SCN9A: variants seen among roughly 807,000 people sequenced by gnomAD.
SCN9A encodes sodium channel protein type 9 subunit alpha.
Under a neutral mutation model 187.0 loss-of-function variants are expected in SCN9A, and 131 were observed. The ratio of observed to expected loss-of-function variants is 0.70; its 90% CI spans 0.61 to 0.81. SCN9A has a LOEUF of 0.81. SCN9A is among the 30% of genes least tolerant of loss of function. The pLI is 0.00. For missense variants in SCN9A, 2,252 were observed against 2,396.6 expected (o/e 0.94, Z 1.26); for synonymous variants, 809 against 808.6 (o/e 1.00, Z -0.01).
At chr2:166,313,978 T>G (rs778022974) in intron 1 of SCN9A, among the ~76,000 whole-genome samples, 2 of 152,108 alleles carry the variant, frequency 1.3e-5, no homozygotes, top group Non-Finnish European at 2.9e-5. Context: ...GGGAGAGAGA[T>G]AGGGATGCTG....
At chr2:166,343,476 C>T (rs1303865881) in intron 1 of SCN9A, among the ~76,000 whole-genome samples, 1 of 151,974 alleles carries the variant, frequency 6.6e-6, no homozygotes, top group Admixed American at 6.6e-5. Flanking sequence ...AAGAGGGAAC[C>T]TTTGGTTTGA....
intron 10 of SCN9A, among the ~76,000 whole-genome samples, chr2:166,287,630 A>G (rs1697829910): frequency 1.3e-5 from 2 of 152,128 alleles, no homozygotes; most frequent in Non-Finnish European, 2.9e-5. Context: ...GACAAATGTT[A>G]AGGCAACTGC....
chr2:166,361,619 T>A (rs138334413), intron 1 of SCN9A, among the ~76,000 whole-genome samples: 5 of 151,954 alleles, frequency 3.3e-5, no homozygotes, highest in African/African-American at 1.2e-4. Context: ...AACAAAAACA[T>A]TGGAATATCA....
intron 1 of SCN9A, among the ~76,000 whole-genome samples, chr2:166,348,015 A>G (rs1699943431): frequency 6.6e-6 from 1 of 152,192 alleles, no homozygotes; most frequent in Non-Finnish European, 1.5e-5. Context: ...TTTCACAGGC[A>G]TGTTCCAGAA....
intron 17 of SCN9A, among the ~76,000 whole-genome samples, 180 bp downstream of exon 17, chr2:166,272,219 A>C (rs1697022172): frequency 6.6e-6 from 1 of 152,102 alleles, no homozygotes; most frequent in South Asian, 2.1e-4. Context: ...AATTATTAAG[A>C]ACTAGTAAGA....
In SCN9A at chr2:166,199,214, G is replaced by A. The variant is rs199954555; in HGVS notation, c.5425C>T (p.Leu1809=). The A allele has an allele frequency of 5.0e-6, 8 of 1,614,162 alleles. No individual in the cohort carries two copies. Among genetic ancestry groups the A allele is most frequent in the Non-Finnish European group, 6.8e-6 (8 of 1,180,036 alleles). The stretch of plus-strand genomic sequence containing the variant: ...TTTGCTATGAGAAGAGGAGGATCCA[G>A]GGCAGCTGCAAAATCAGAGAGTTTA... ...FSKLSDFAAA[L]DPPLLIAKPN... Residue 1809 remains leucine, a synonymous_variant, in exon 27 of 27, where the codon CTG becomes TTG. Coordinates refer to ENST00000642356, the MANE Select transcript of SCN9A (RefSeq NM_001365536.1).
rs113045804 is a variant in SCN9A, at chr2:166,214,615, T to C, written c.4399-10151A>G. On this transcript the variant is annotated intron_variant, in intron 24 of 26. Coordinates refer to ENST00000642356, the MANE Select transcript of SCN9A (RefSeq NM_001365536.1). ...CTGCAAGCTCCGCCTCCCGGGTTCA[T>C]GCCATTCTCCTGCCTCAGCCTCCCG... Among the ~76,000 whole-genome samples, 1,280 of 138,784 alleles carry C rather than the reference T, an allele frequency of 9.2e-3. 22 individuals carry two copies. Among genetic ancestry groups the C allele is most frequent in the East Asian group, 0.044 (202 of 4,566 alleles). The allele number at this position is 138,784 out of a possible 152,430, so 91.0% of individuals were successfully genotyped here. A position where few individuals can be genotyped will look rare whatever the true frequency, so the allele number is the denominator to read the frequency against.
At chr2:166,370,223 A>ATCGTC (rs1553507710) in intron 1 of SCN9A, among the ~76,000 whole-genome samples, 1 of 121,060 alleles carries the variant, frequency 8.3e-6, no homozygotes, top group Non-Finnish European at 1.7e-5. Context: ...TAATAATAAT[A>ATCGTC]ATAATAATAA....
chr2:166,205,442 G>A (rs999166861), intron 24 of SCN9A, among the ~76,000 whole-genome samples: 1 of 152,148 alleles, frequency 6.6e-6, no homozygotes, highest in Admixed American at 6.5e-5. Context: ...ATGATGCTGG[G>A]AAAACTGGCT....
chr2:166,331,061 T>G (rs1699491551), intron 1 of SCN9A, among the ~76,000 whole-genome samples: 2 of 152,162 alleles, frequency 1.3e-5, no homozygotes, highest in Non-Finnish European at 2.9e-5. Flanking sequence ...AAGTGAATGT[T>G]TATTAAAAGT....
chr2:166,265,678 ACAAT>A (rs1156952689), intron 17 of SCN9A, among the ~76,000 whole-genome samples: 3 of 152,016 alleles, frequency 2.0e-5, no homozygotes, highest in Non-Finnish European at 4.4e-5. Context: ...TTACATTCTC[ACAAT>A]CAGTGTGTAA....
At chr2:166,375,493 G>T (rs1700667333) in intron 1 of SCN9A, among the ~76,000 whole-genome samples, 1 of 152,078 alleles carries the variant, frequency 6.6e-6, no homozygotes, top group African/African-American at 2.4e-5. Context: ...AAATAACTAC[G>T]CTTCCAGCCC....
At chr2:166,284,001 G>A (rs1355946168) in intron 12 of SCN9A, among the ~76,000 whole-genome samples, 1 of 152,134 alleles carries the variant, frequency 6.6e-6, no homozygotes, top group Non-Finnish European at 1.5e-5. Flanking sequence ...TGTGTTTGCT[G>A]TTATTAACAA....
At chr2:166,325,103 A>T (rs908036801) in intron 1 of SCN9A, among the ~76,000 whole-genome samples, 1 of 152,122 alleles carries the variant, frequency 6.6e-6, no homozygotes, top group African/African-American at 2.4e-5. Context: ...TTTTCCATAA[A>T]TCTATTCCAA....
intron 1 of SCN9A, among the ~76,000 whole-genome samples, chr2:166,312,291 ACTTT>A (rs1269808539): frequency 6.6e-6 from 1 of 152,060 alleles, no homozygotes; most frequent in African/African-American, 2.4e-5. Context: ...TCACGAAACC[ACTTT>A]CTTTGCTTAT....
chr2:166,242,784 A>G, intron 18 of SCN9A, 128 bp from the exon 19 acceptor site: 1 of 592,368 alleles, frequency 1.7e-6, no homozygotes. Context: ...TATACTTGCA[A>G]TTTCAGATAG....
At chr2:166,290,580 T>C (rs1698016403) in intron 9 of SCN9A, among the ~76,000 whole-genome samples, 1 of 152,184 alleles carries the variant, frequency 6.6e-6, no homozygotes, top group East Asian at 1.9e-4. Flanking sequence ...CAGAATCTAT[T>C]GTTTCTCAAC....
chr2:166,255,488 A>AG (rs58822226), intron 17 of SCN9A, among the ~76,000 whole-genome samples: 13 of 150,904 alleles, frequency 8.6e-5, no homozygotes, highest in African/African-American at 2.9e-4. Context: ...AATGCTAGTT[A>AG]TTTATTGTTC....
At chr2:166,312,857 T>C (rs968337123) in intron 1 of SCN9A, among the ~76,000 whole-genome samples, 2 of 151,250 alleles carry the variant, frequency 1.3e-5, no homozygotes, top group African/African-American at 4.9e-5. Flanking sequence ...ACACTGGGCC[T>C]AAAATATTTA....
Sources: allele counts gnomAD v4.1 joint callset (sites outside exome capture counted in the v4.1 genomes callset), GRCh38; gene constraint gnomAD v4.1.1; transcripts MANE v1.5; gene names NCBI Gene and HGNC (gene_info 2026-07-23, HGNC 2026-07-21).